The following MCEMP1 variants were observed in gnomAD, a reference collection of about 807,000 sequenced individuals.
MCEMP1 encodes the protein mast cell expressed membrane protein 1.
A neutral mutation model predicts 27.9 loss-of-function variants in MCEMP1; 17 were observed. The observed-to-expected ratio is 0.61, with a 90% CI of 0.42 to 0.91. The LOEUF (loss-of-function observed/expected upper bound fraction) is 0.91, where lower values mean the gene tolerates loss of function less well. MCEMP1 is among the 40% of genes least tolerant of loss of function. The pLI is 0.00. For synonymous variants in MCEMP1, 88 were observed against 76.9 expected (o/e 1.14, Z -0.76); for missense variants, 200 against 204.8 (o/e 0.98, Z 0.14).
chr19:7,678,049 G>A lies in MCEMP1; in HGVS notation c.146-55G>A. ...CCATGGTGTTAGAGACAGTGAGGAT[G>A]GTTTGAGTGGTGGTGCTGGCCCCTC... is the stretch of plus-strand genomic sequence containing the variant. On this transcript the variant is annotated intron_variant, in intron 2 of 6. Transcript: ENST00000333598. The surrounding 1 kb of genome is among the most constrained non-coding windows in gnomAD (Gnocchi z 4.8). 3 of 1,538,594 alleles carry A rather than the reference G, an allele frequency of 1.9e-6. No homozygotes were observed. Among genetic ancestry groups the A allele is most frequent in the African/African-American group, 1.4e-5 (1 of 72,560 alleles).
In MCEMP1 at chr19:7,677,855, C is replaced by G; in HGVS notation, c.145+129C>G. 9.4e-7 allele frequency: 1 copy of G among 1,059,714 alleles called. No homozygotes were observed. The highest frequency in any genetic ancestry group is 1.4e-6 in the Non-Finnish European group (1 of 724,720). 65.6% of individuals were successfully genotyped at this position (1,059,714 alleles called of 1,614,324 possible). On this transcript the variant is annotated intron_variant, in intron 2 of 6. Coordinates refer to ENST00000333598, the MANE Select transcript of MCEMP1 (RefSeq NM_174918.3). The surrounding 1 kb of genome is among the most constrained non-coding windows in gnomAD (Gnocchi z 4.6). Reference sequence around the variant, plus strand: ...GGAAGGAAGAGGTGACAGCTGTTGACGTGCTAATGAGGTCTGTTGATGATG... The same window carrying G: ...GGAAGGAAGAGGTGACAGCTGTTGAGGTGCTAATGAGGTCTGTTGATGATG...
chr19:7,677,697 A>C lies in MCEMP1; in HGVS notation c.116A>C (p.Lys39Thr). The change falls in exon 2 of 7, where the codon AAG becomes ACG. Residue 39 changes from lysine to threonine, a missense_variant. Transcript: ENST00000333598. The surrounding 1 kb of genome is among the most constrained non-coding windows in gnomAD (Gnocchi z 4.6). ...TLAFKNQDHAKGGHSRPTSQV... is the reference protein window; with the variant it reads ...TLAFKNQDHATGGHSRPTSQV... ...GCCTTCAAAAATCAGGACCATGCAA[A>C]GGGTGGTCATTCACGACCCACGAGC... The C allele has an allele frequency of 1.2e-6, 2 of 1,612,206 alleles. No homozygotes were observed. The highest frequency in any genetic ancestry group is 8.5e-7 in the Non-Finnish European group (1 of 1,179,142).
chr19:7,677,224 G>C lies in MCEMP1; in HGVS notation c.55+49G>C. 6.7e-7 allele frequency: 1 copy of C among 1,495,046 alleles called. No individual in the cohort carries two copies. The allele number at this position is 1,495,046 out of a possible 1,614,324, so 92.6% of individuals were successfully genotyped here. A position where few individuals can be genotyped will look rare whatever the true frequency, so the allele number is the denominator to read the frequency against. On this transcript the variant is annotated intron_variant, in intron 1 of 6. Transcript: ENST00000333598. The surrounding 1 kb of genome is among the most constrained non-coding windows in gnomAD (Gnocchi z 4.6). ...GAGGGGTTAAGAAGGAGAGATTGGG[G>C]GGCCGGGGGCTTTTGCTCATGTCTG... is the stretch of plus-strand genomic sequence containing the variant.
rs2032569828 is a variant in MCEMP1 at position 7,677,784 on chromosome 19, G to A, written c.145+58G>A. ...ACCTTGGGAAGGGGCAGGTGGGCGGGCAACTGCAGGGCCCCCGGGGCTGCG... is the reference window on the plus strand; with the variant it reads ...ACCTTGGGAAGGGGCAGGTGGGCGGACAACTGCAGGGCCCCCGGGGCTGCG... On this transcript the variant is annotated intron_variant, in intron 2 of 6. Coordinates refer to ENST00000333598, the MANE Select transcript of MCEMP1 (RefSeq NM_174918.3). This position sits in a 1 kb window ranked among gnomAD's most constrained non-coding sequence, Gnocchi z 4.6. 1 of 1,458,996 alleles carries A rather than the reference G, an allele frequency of 6.9e-7. No homozygotes were observed. 90.4% of individuals were successfully genotyped at this position (1,458,996 alleles called of 1,614,324 possible).
In MCEMP1 at chr19:7,679,331, T is replaced by G. The variant is rs1568481551; in HGVS notation, c.*217T>G. The G allele has an allele frequency of 5.0e-6, 3 of 603,540 alleles. No homozygotes were observed. The highest frequency in any genetic ancestry group is 8.7e-6 in the Non-Finnish European group (3 of 346,246). The allele number at this position is 603,540 out of a possible 1,614,324, so 37.4% of individuals were successfully genotyped here. ...GTGTGCGTGTGTGCGCGTGTGTTCGTGTATGTGCGTGTGTGCGTGCGCGTG... is the reference window on the plus strand; with the variant it reads ...GTGTGCGTGTGTGCGCGTGTGTTCGGGTATGTGCGTGTGTGCGTGCGCGTG... On this transcript the variant is annotated 3_prime_UTR_variant, in exon 7 of 7. Coordinates refer to ENST00000333598, the MANE Select transcript of MCEMP1 (RefSeq NM_174918.3). This position sits in a 1 kb window ranked among gnomAD's most constrained non-coding sequence, Gnocchi z 4.9.
Position 7,678,256 on chromosome 19 carries a change from G to A in MCEMP1, c.283+15G>A, listed in dbSNP as rs751200770. The stretch of plus-strand genomic sequence containing the variant: ...CATGGTGAAGAGTGAGTACTTCTTG[G>A]GAGGAGGGTGCTGGGGGGCCTAGAC... On this transcript the variant is annotated intron_variant, in intron 3 of 6. Transcript: ENST00000333598. This position sits in a 1 kb window ranked among gnomAD's most constrained non-coding sequence, Gnocchi z 4.8. The A allele has an allele frequency of 1.9e-6, 3 of 1,613,986 alleles. No homozygotes were observed. Among genetic ancestry groups the A allele is most frequent in the Non-Finnish European group, 2.5e-6 (3 of 1,179,968 alleles).
rs188146966 is a variant in MCEMP1 at position 7,679,321 on chromosome 19, C to A, written c.*207C>A. ...GCGTGCGTGTGTGTGCGTGTGTGCG[C>A]GTGTGTTCGTGTATGTGCGTGTGTG... On this transcript the variant is annotated 3_prime_UTR_variant, in exon 7 of 7. Coordinates refer to ENST00000333598, the MANE Select transcript of MCEMP1 (RefSeq NM_174918.3). This position sits in a 1 kb window ranked among gnomAD's most constrained non-coding sequence, Gnocchi z 4.9. 1 of 621,100 alleles carries A rather than the reference C, an allele frequency of 1.6e-6. No homozygotes were observed. The highest frequency in any genetic ancestry group is 2.8e-6 in the Non-Finnish European group (1 of 359,564). 38.5% of individuals were successfully genotyped at this position (621,100 alleles called of 1,614,324 possible).
Position 7,677,970 on chromosome 19 carries a change from T to C in MCEMP1, c.146-134T>C. ...CTGGTGGTGGCAGTGTTGTTGACGATGATGACAAGCTGCATGACCACAGCT... is the reference window on the plus strand; with the variant it reads ...CTGGTGGTGGCAGTGTTGTTGACGACGATGACAAGCTGCATGACCACAGCT... On this transcript the variant is annotated intron_variant, in intron 2 of 6. Coordinates refer to ENST00000333598, the MANE Select transcript of MCEMP1 (RefSeq NM_174918.3). The surrounding 1 kb of genome is among the most constrained non-coding windows in gnomAD (Gnocchi z 4.6). 2 of 1,368,014 alleles carry C rather than the reference T, an allele frequency of 1.5e-6. No individual in the cohort carries two copies. Among genetic ancestry groups the C allele is most frequent in the South Asian group, 2.8e-5 (2 of 71,644 alleles). The allele number at this position is 1,368,014 out of a possible 1,614,324, so 84.7% of individuals were successfully genotyped here.
chr19:7,678,992 G>C lies in MCEMP1; in HGVS notation c.508+9G>C, dbSNP rs780540354. The C allele has an allele frequency of 6.3e-7, 1 of 1,599,468 alleles. No individual in the cohort carries two copies. Among genetic ancestry groups the C allele is most frequent in the East Asian group, 2.2e-5 (1 of 44,560 alleles). ...GCTGCAGAAAATGCCACGTAAGTTGGCGCCCCGACAGGAGGTGGAGGAGGG... is the reference window on the plus strand; with the variant it reads ...GCTGCAGAAAATGCCACGTAAGTTGCCGCCCCGACAGGAGGTGGAGGAGGG... On this transcript the variant is annotated intron_variant, in intron 6 of 6. Coordinates refer to ENST00000333598, the MANE Select transcript of MCEMP1 (RefSeq NM_174918.3). This position sits in a 1 kb window ranked among gnomAD's most constrained non-coding sequence, Gnocchi z 4.8.
Position 7,678,891 on chromosome 19 carries a change from A to G in MCEMP1, c.449-33A>G, listed in dbSNP as rs1466043644. On this transcript the variant is annotated intron_variant, in intron 5 of 6. Coordinates refer to ENST00000333598, the MANE Select transcript of MCEMP1 (RefSeq NM_174918.3). This position sits in a 1 kb window ranked among gnomAD's most constrained non-coding sequence, Gnocchi z 4.8. The stretch of plus-strand genomic sequence containing the variant: ...TTGAGGCTCCACCGCAGCTTGACTT[A>G]TCTGTTCCCACCCAACCCTCCCCGC... 8 of 1,516,278 alleles carry G rather than the reference A, an allele frequency of 5.3e-6. No homozygotes were observed. In the South Asian group the frequency reaches 7.2e-5, roughly 14 times the overall value. The allele number at this position is 1,516,278 out of a possible 1,614,324, so 93.9% of individuals were successfully genotyped here.
Position 7,678,519 on chromosome 19 carries a change from G to C in MCEMP1, c.363G>C (p.Glu121Asp), listed in dbSNP as rs761784766. ...CAAACTCCGTACAAGCATGCGAAGAGAGACAGAAGAGAGGCTGGGATTCCG... is the reference window on the plus strand; with the variant it reads ...CAAACTCCGTACAAGCATGCGAAGACAGACAGAAGAGAGGCTGGGATTCCG... ...NVSNSVQACEERQKRGWDSVQ... is the reference protein window; with the variant it reads ...NVSNSVQACEDRQKRGWDSVQ... The change falls in exon 5 of 7, where the codon GAG (glutamate) becomes GAC (aspartate). Residue 121 changes from glutamate (E) to aspartate (D), a missense_variant. Transcript: ENST00000333598. The surrounding 1 kb of genome is among the most constrained non-coding windows in gnomAD (Gnocchi z 4.8). 3.1e-6 allele frequency: 5 copies of C among 1,614,058 alleles called. No individual in the cohort carries two copies. Among genetic ancestry groups the C allele is most frequent in the Non-Finnish European group, 4.2e-6 (5 of 1,180,038 alleles).
Position 7,678,376 on chromosome 19 carries a change from G to A in MCEMP1, c.310G>A (p.Gly104Ser), listed in dbSNP as rs199822833. Residue 104 changes from glycine to serine, a missense_variant, in exon 4 of 7, where the codon GGC becomes AGC. By Grantham distance (56) the Gly-to-Ser change is moderately conservative. Transcript: ENST00000333598. This position sits in a 1 kb window ranked among gnomAD's most constrained non-coding sequence, Gnocchi z 4.8. ...TGCTGAGATGTCCAAGGAGCTGCTGGGCTTTAAAAGGGAGCTTTGGAATGG... is the reference window on the plus strand; with the variant it reads ...TGCTGAGATGTCCAAGGAGCTGCTGAGCTTTAAAAGGGAGCTTTGGAATGG... ...KNAEMSKELL[G>S]FKRELWNVSN... The A allele has an allele frequency of 1.1e-5, 18 of 1,614,066 alleles. No individual in the cohort carries two copies. In the East Asian group the frequency reaches 3.3e-4, roughly 30 times the overall value.
At position 7,678,385 on chromosome 19, in the gene MCEMP1, A is replaced by C. The variant is rs1464675664; in HGVS notation, c.319A>C (p.Arg107=). The change falls in exon 4 of 7, where the codon AGG becomes CGG. Residue 107 remains arginine, a synonymous_variant. Transcript: ENST00000333598. This position sits in a 1 kb window ranked among gnomAD's most constrained non-coding sequence, Gnocchi z 4.8. Reference sequence around the variant, plus strand: ...GTCCAAGGAGCTGCTGGGCTTTAAAAGGGAGCTTTGGAATGGTGAGCGGAG... The same window carrying C: ...GTCCAAGGAGCTGCTGGGCTTTAAACGGGAGCTTTGGAATGGTGAGCGGAG... ...EMSKELLGFK[R]ELWNVSNSVQ... is the part of the protein sequence containing the mutation. 1.2e-6 allele frequency: 2 copies of C among 1,614,040 alleles called. No homozygotes were observed. The highest frequency in any genetic ancestry group is 8.5e-7 in the Non-Finnish European group (1 of 1,180,020).
Position 7,678,618 on chromosome 19 carries a change from C to G in MCEMP1, c.448+14C>G, listed in dbSNP as rs757517206. The G allele has an allele frequency of 7.5e-6, 12 of 1,591,248 alleles. No homozygotes were observed. The South Asian group carries it at 1.3e-4, about 18-fold the overall frequency. On this transcript the variant is annotated intron_variant, in intron 5 of 6. Coordinates refer to ENST00000333598, the MANE Select transcript of MCEMP1 (RefSeq NM_174918.3). This position sits in a 1 kb window ranked among gnomAD's most constrained non-coding sequence, Gnocchi z 4.8. Reference sequence around the variant, plus strand: ...CGACATTAGCAGGTGCCTGTGTAGTCTCGCCTTCTATGGGGGTTATTTGTC... The same window carrying G: ...CGACATTAGCAGGTGCCTGTGTAGTGTCGCCTTCTATGGGGGTTATTTGTC...
At position 7,678,824 on chromosome 19, in the gene MCEMP1, G is replaced by A. The variant is rs2032583280; in HGVS notation, c.449-100G>A. ...GGCTCTGCTGTACCCCAGGGTGGGT[G>A]TGGGGCAGGGGGGGTGCTTCCAAGG... On this transcript the variant is annotated intron_variant, in intron 5 of 6. Transcript: ENST00000333598. The surrounding 1 kb of genome is among the most constrained non-coding windows in gnomAD (Gnocchi z 4.8). 3.9e-6 allele frequency: 5 copies of A among 1,282,026 alleles called. No homozygotes were observed. In the East Asian group the frequency reaches 7.6e-5, roughly 19 times the overall value. The allele number at this position is 1,282,026 out of a possible 1,614,324, so 79.4% of individuals were successfully genotyped here.
chr19:7,677,699 G>A lies in MCEMP1; in HGVS notation c.118G>A (p.Gly40Ser), dbSNP rs199646663. The change falls in exon 2 of 7, where the codon GGT becomes AGT. Residue 40 changes from glycine to serine, a missense_variant. By Grantham distance (56) the Gly-to-Ser change is moderately conservative (BLOSUM62 0). Coordinates refer to ENST00000333598, the MANE Select transcript of MCEMP1 (RefSeq NM_174918.3). The surrounding 1 kb of genome is among the most constrained non-coding windows in gnomAD (Gnocchi z 4.6). ...CTTCAAAAATCAGGACCATGCAAAG[G>A]GTGGTCATTCACGACCCACGAGCCA... The part of the protein sequence containing the change: ...LAFKNQDHAK[G>S]GHSRPTSQVP... 1.6e-5 allele frequency: 25 copies of A among 1,611,846 alleles called. 1 individual carries two copies. The East Asian group carries it at 4.7e-4, about 30-fold the overall frequency.
chr19:7,677,637 G>A lies in MCEMP1; in HGVS notation c.56G>A (p.Gly19Asp), dbSNP rs2146254264. 1 of 1,613,186 alleles carries A rather than the reference G, an allele frequency of 6.2e-7. No individual in the cohort carries two copies. Among genetic ancestry groups the A allele is most frequent in the Non-Finnish European group, 8.5e-7 (1 of 1,179,150 alleles). The change falls in exon 2 of 7, where the codon GGT becomes GAT. Residue 19 changes from glycine (G) to aspartate (D), a missense_variant and splice_region_variant. Coordinates refer to ENST00000333598, the MANE Select transcript of MCEMP1 (RefSeq NM_174918.3). This position sits in a 1 kb window ranked among gnomAD's most constrained non-coding sequence, Gnocchi z 4.6. ...KKQGVSAKNQ[G>D]AHDPDYENIT... ...TGAGCAGATCTCCAACCCCTCCCAG[G>A]TGCCCATGACCCAGACTATGAGAAT...
In MCEMP1 at chr19:7,677,844, AC is replaced by A; in HGVS notation, c.145+119del. The A allele has an allele frequency of 9.0e-7, 1 of 1,108,318 alleles. No homozygotes were observed. Among genetic ancestry groups the A allele is most frequent in the Non-Finnish European group, 1.3e-6 (1 of 770,106 alleles). 68.7% of individuals were successfully genotyped at this position (1,108,318 alleles called of 1,614,324 possible). On this transcript the variant is annotated intron_variant, in intron 2 of 6. Transcript: ENST00000333598. The surrounding 1 kb of genome is among the most constrained non-coding windows in gnomAD (Gnocchi z 4.6). Reference sequence around the variant, plus strand: ...GGAAGCGATGGGGAAGGAAGAGGTGACAGCTGTTGACGTGCTAATGAGGTCT... The same window carrying A: ...GGAAGCGATGGGGAAGGAAGAGGTGAAGCTGTTGACGTGCTAATGAGGTCT...
In MCEMP1 at chr19:7,677,681, A is replaced by C; in HGVS notation, c.100A>C (p.Asn34His). 6.2e-7 allele frequency: 1 copy of C among 1,613,590 alleles called. No homozygotes were observed. Among genetic ancestry groups the C allele is most frequent in the Non-Finnish European group, 8.5e-7 (1 of 1,179,776 alleles). ...TGAGAATATCACCTTGGCCTTCAAA[A>C]ATCAGGACCATGCAAAGGGTGGTCA... ...DYENITLAFKNQDHAKGGHSR... is the reference protein window; with the variant it reads ...DYENITLAFKHQDHAKGGHSR... Residue 34 changes from asparagine (N) to histidine (H), a missense_variant, in exon 2 of 7, where the codon AAT becomes CAT. Physicochemically the swap from Asn to His is moderately conservative, Grantham distance 68. Coordinates refer to ENST00000333598, the MANE Select transcript of MCEMP1 (RefSeq NM_174918.3). This position sits in a 1 kb window ranked among gnomAD's most constrained non-coding sequence, Gnocchi z 4.6.
Sources: allele counts gnomAD v4.1 joint callset, GRCh38; gene constraint gnomAD v4.1.1; non-coding constraint Gnocchi (gnomAD v3.1); transcripts MANE v1.5; gene names NCBI Gene and HGNC (gene_info 2026-07-23, HGNC 2026-07-21).